Variants in NRXN1 observed in about 807,000 individuals in gnomAD.
NRXN1 encodes the protein neurexin-1.
NRXN1 carries 39 observed loss-of-function variants against 150.9 expected under a neutral mutation model. The ratio of observed to expected loss-of-function variants is 0.26; its 90% CI spans 0.20 to 0.34. The LOEUF (loss-of-function observed/expected upper bound fraction) is 0.34. Among genes scored for constraint, NRXN1 ranks in the 10% least tolerant of loss-of-function variants. The probability of loss-of-function intolerance (pLI) is 1.00; values close to 1 mark genes in which losing one functional copy is unlikely to be tolerated. For synonymous variants in NRXN1, 924 were observed against 757.0 expected (o/e 1.22, Z -3.62); for missense variants, 1,815 against 1,949.9 (o/e 0.93, Z 1.30).
chr2:50,519,886 G>C (rs1291779879), intron 12 of NRXN1, among the ~76,000 whole-genome samples: 6 of 151,770 alleles, frequency 4.0e-5, no homozygotes, highest in Non-Finnish European at 7.4e-5. Flanking sequence ...TCAGTGACCT[G>C]GAATTGCTTT....
At chr2:50,552,123 G>A (rs1245886589) in intron 9 of NRXN1, among the ~76,000 whole-genome samples, 3 of 152,122 alleles carry the variant, frequency 2.0e-5, no homozygotes, top group Non-Finnish European at 2.9e-5. Flanking sequence ...TGATTAAAGT[G>A]TTTTTAATGC....
chr2:50,081,440 G>C (rs1697950805), intron 19 of NRXN1, among the ~76,000 whole-genome samples: 2 of 152,138 alleles, frequency 1.3e-5, no homozygotes, highest in Non-Finnish European at 2.9e-5. Context: ...GCTGGGCATG[G>C]TGTTGTGAGG....
chr2:50,381,767 A>G (rs2080988940), intron 17 of NRXN1, among the ~76,000 whole-genome samples: 1 of 152,156 alleles, frequency 6.6e-6, no homozygotes, highest in South Asian at 2.1e-4. Context: ...CAAGGTGCTT[A>G]AACTAATTGT....
At chr2:50,485,230 G>T (rs951766964) in intron 15 of NRXN1, among the ~76,000 whole-genome samples, 2 of 152,206 alleles carry the variant, frequency 1.3e-5, no homozygotes, top group African/African-American at 2.4e-5. Context: ...GACAATGTGA[G>T]AATGAGACAG....
chr2:50,495,863 G>C lies in NRXN1; in HGVS notation c.3070+42C>G, dbSNP rs548327479. 2.0e-6 allele frequency: 3 copies of C among 1,499,444 alleles called. No individual in the cohort carries two copies. The South Asian group carries it at 4.1e-5, about 21-fold the overall frequency. 92.9% of individuals were successfully genotyped at this position (1,499,444 alleles called of 1,614,324 possible). On this transcript the variant is annotated intron_variant, in intron 15 of 22. Transcript: ENST00000401669. ...AGGATTTTCCATGTGAAGGGAGACC[G>C]TGTGGTGCAAGGCTCGTTGCTCTGA... is the stretch of plus-strand genomic sequence containing the variant.
chr2:50,931,134 A>G (rs1434548363), intron 2 of NRXN1, among the ~76,000 whole-genome samples: 2 of 152,152 alleles, frequency 1.3e-5, no homozygotes, highest in African/African-American at 4.8e-5. Context: ...TGCTATCATT[A>G]AGATGAAAAG....
At chr2:50,266,604 T>G (rs919524431) in intron 17 of NRXN1, among the ~76,000 whole-genome samples, 4 of 150,052 alleles carry the variant, frequency 2.7e-5, no homozygotes, top group Non-Finnish European at 5.9e-5. Flanking sequence ...TAAGGTAAAG[T>G]TGCGTTTGAA....
chr2:50,086,847 A>C (rs865888588), intron 19 of NRXN1, among the ~76,000 whole-genome samples: 1,789 of 150,798 alleles, frequency 0.012, 47 homozygotes, highest in African/African-American at 0.042. Flanking sequence ...AGAGAGAGAG[A>C]GAGCGAGCCG....
chr2:50,379,229 A>C (rs1346358591), intron 17 of NRXN1, among the ~76,000 whole-genome samples: 1 of 151,968 alleles, frequency 6.6e-6, no homozygotes, highest in East Asian at 1.9e-4. Flanking sequence ...TGACCAACTG[A>C]CTCTTTGTTT....
chr2:50,920,882 T>C (rs746816173), intron 5 of NRXN1, among the ~76,000 whole-genome samples: 1 of 151,724 alleles, frequency 6.6e-6, no homozygotes, highest in African/African-American at 2.4e-5. Flanking sequence ...AAAATTGATA[T>C]CATTTCTTAC....
chr2:51,025,750 A>G (rs1670340882), intron 2 of NRXN1, among the ~76,000 whole-genome samples: 1 of 152,226 alleles, frequency 6.6e-6, no homozygotes, highest in Admixed American at 6.5e-5. Flanking sequence ...ATTCACAAGT[A>G]GATTTGCTAG....
intron 15 of NRXN1, among the ~76,000 whole-genome samples, chr2:50,491,690 A>T (rs552693217): frequency 3.0e-4 from 45 of 152,342 alleles, no homozygotes; most frequent in African/African-American, 1.1e-3. Flanking sequence ...TGGCCCATAA[A>T]TAAATCACTG....
chr2:50,895,782 G>A (rs1681850380), intron 5 of NRXN1, among the ~76,000 whole-genome samples: 1 of 151,854 alleles, frequency 6.6e-6, no homozygotes, highest in Non-Finnish European at 1.5e-5. Context: ...GTTTCACCAT[G>A]TCAGCCAGGC....
At chr2:50,804,681 A>G (rs561426922) in intron 5 of NRXN1, among the ~76,000 whole-genome samples, 46 of 152,254 alleles carry the variant, frequency 3.0e-4, no homozygotes, top group African/African-American at 9.9e-4. Context: ...GAATATGCAA[A>G]ATGTCCCCTT....
intron 5 of NRXN1, among the ~76,000 whole-genome samples, chr2:50,826,242 T>C (rs1404770413): frequency 1.3e-5 from 2 of 152,090 alleles, no homozygotes; most frequent in East Asian, 1.9e-4. Context: ...GAGAGTGAAA[T>C]GACAAGAACA....
At chr2:50,916,456 C>A (rs186420497) in intron 5 of NRXN1, among the ~76,000 whole-genome samples, 1 of 149,660 alleles carries the variant, frequency 6.7e-6, no homozygotes, top group South Asian at 2.1e-4. Flanking sequence ...TCCTATCAAG[C>A]CTAAAAGTGT....
At chr2:50,666,276 C>T (rs144995863) in intron 5 of NRXN1, among the ~76,000 whole-genome samples, 60 of 151,974 alleles carry the variant, frequency 3.9e-4, no homozygotes, top group African/African-American at 1.3e-3. Context: ...ATGTATATGC[C>T]ATATTAGTCT....
At chr2:50,508,125 C>A (rs1008022750) in intron 12 of NRXN1, among the ~76,000 whole-genome samples, 6 of 152,128 alleles carry the variant, frequency 3.9e-5, no homozygotes, top group East Asian at 1.9e-4. Flanking sequence ...CTATTGATTT[C>A]TCTCTTATGG....
intron 5 of NRXN1, among the ~76,000 whole-genome samples, chr2:50,764,052 C>G (rs1204472491): frequency 6.6e-6 from 1 of 151,298 alleles, no homozygotes. Flanking sequence ...GAGGAACATC[C>G]CTCCTCCCTT....
Sources: allele counts gnomAD v4.1 joint callset (sites outside exome capture counted in the v4.1 genomes callset), GRCh38; gene constraint gnomAD v4.1.1; transcripts MANE v1.5; gene names NCBI Gene and HGNC (gene_info 2026-07-23, HGNC 2026-07-21).